Variants in DMD observed in about 807,000 individuals in gnomAD.
DMD encodes dystrophin.
A neutral mutation model predicts 330.1 loss-of-function variants in DMD; 63 were observed. The ratio of observed to expected loss-of-function variants is 0.19; its 90% CI spans 0.16 to 0.24. The LOEUF (loss-of-function observed/expected upper bound fraction) is 0.24, where lower values mean the gene tolerates loss of function less well. Ranked by LOEUF, DMD falls within the 10% of genes least tolerant of loss-of-function variation. The pLI is 1.00. For missense variants in DMD, 3,344 were observed against 2,684.1 expected (o/e 1.25, Z -5.43); for synonymous variants, 1,223 against 959.8 (o/e 1.27, Z -5.07).
chrX:32,425,144 T>C (rs757404311), intron 29 of DMD, among the ~76,000 whole-genome samples: 2 of 111,743 alleles, frequency 1.8e-5, no homozygotes, highest in Non-Finnish European at 3.8e-5. Context: ...TTTAAACGAA[T>C]CTTTAAAACA....
chrX:31,478,409 T>A, intron 58 of DMD, 35 bp from the exon 59 acceptor site: 1 of 1,208,798 alleles, frequency 8.3e-7, no homozygotes, highest in Non-Finnish European at 1.1e-6. Context: ...TTAGGCCACA[T>A]TCTTTTTTTT....
intron 2 of DMD, among the ~76,000 whole-genome samples, chrX:32,901,118 A>G (rs1016050885): frequency 9.0e-6 from 1 of 111,716 alleles, no homozygotes; most frequent in Non-Finnish European, 1.9e-5. Context: ...TTTATAAAAG[A>G]ATGAATTATT....
chrX:33,077,419 A>C lies in DMD; in HGVS notation c.32-57219T>G, dbSNP rs189092761. Among the ~76,000 whole-genome samples the C allele has an allele frequency of 3.7e-3, 410 of 111,669 alleles. 1 individual carries two copies. Among genetic ancestry groups the C allele is most frequent in the African/African-American group, 0.013 (391 of 30,745 alleles). On this transcript the variant is annotated intron_variant, in intron 1 of 78. Transcript: ENST00000357033. ...GACCTAATTTTGCAAAGGTGGTTTC[A>C]ATCCCTTCCTTTGGGTTTTCTAACA...
chrX:32,163,227 C>CA (rs1405867361), intron 44 of DMD, among the ~76,000 whole-genome samples: 7 of 111,650 alleles, frequency 6.3e-5, no homozygotes, highest in African/African-American at 9.8e-5. Context: ...GTGCTACCTT[C>CA]CAAAAATACC....
chrX:33,027,022 T>C (rs950382830), intron 1 of DMD, among the ~76,000 whole-genome samples: 2 of 112,286 alleles, frequency 1.8e-5, no homozygotes, highest in Non-Finnish European at 3.8e-5. Context: ...TTAATTCTAT[T>C]AAACTCTGGT....
At position 31,652,942 on chromosome X, in the gene DMD, G is replaced by A. The variant is rs151013197; in HGVS notation, c.8027+5048C>T. On this transcript the variant is annotated intron_variant, in intron 54 of 78. Coordinates refer to ENST00000357033, the MANE Select transcript of DMD (RefSeq NM_004006.3). ...ACTAAAAAAGTTCTCTTAGGATGAG[G>A]GAGACTTGAGTATGTTGGCCTGCTA... Among the ~76,000 whole-genome samples the A allele has an allele frequency of 3.2e-3, 355 of 111,224 alleles. 2 individuals are homozygous for A. In the East Asian group the frequency reaches 0.04, roughly 13 times the overall value.
chrX:31,958,392 G>A (rs2095268227), intron 45 of DMD, among the ~76,000 whole-genome samples: 1 of 111,190 alleles, frequency 9.0e-6, no homozygotes, highest in Admixed American at 9.5e-5. Flanking sequence ...AATAAAAAGG[G>A]CTCATTTCTT....
At chrX:33,199,479 T>G (rs2051145987) in intron 1 of DMD, among the ~76,000 whole-genome samples, 1 of 110,995 alleles carries the variant, frequency 9.0e-6, no homozygotes, top group African/African-American at 3.3e-5. Context: ...TTTTGTGCGG[T>G]GAAGAGAAAG....
chrX:32,017,310 T>G (rs1351167351), intron 44 of DMD, among the ~76,000 whole-genome samples: 1 of 111,819 alleles, frequency 8.9e-6, no homozygotes, highest in African/African-American at 3.3e-5. Flanking sequence ...GGGGCCAAGG[T>G]AAGGGAGATA....
chrX:32,693,828 C>T, intron 9 of DMD, among the ~76,000 whole-genome samples: 1 of 111,531 alleles, frequency 9.0e-6, no homozygotes, highest in Middle Eastern at 4.7e-3. Flanking sequence ...GCAACACCTC[C>T]AAATACACAC....
At chrX:32,211,402 CAAAGT>C (rs1199415679) in intron 44 of DMD, among the ~76,000 whole-genome samples, 2 of 111,928 alleles carry the variant, frequency 1.8e-5, no homozygotes, top group Non-Finnish European at 3.8e-5. Flanking sequence ...TTTCATATCA[CAAAGT>C]AAACAGTTTT....
chrX:31,478,235 G>A lies in DMD; in HGVS notation c.8808C>T (p.Leu2936=), dbSNP rs144147061. Reference sequence around the variant, plus strand: ...CATCCGTGGCCTCTTGAAGTTCCCGGAGTCTTTCAAGGGTCTCATCTATTT... The same window carrying A: ...CATCCGTGGCCTCTTGAAGTTCCCGAAGTCTTTCAAGGGTCTCATCTATTT... ...QRKIDETLER[L]RELQEATDEL... Residue 2936 remains leucine, a synonymous_variant, in exon 59 of 79, where the codon CTC becomes CTT. Transcript: ENST00000357033. 1 of 1,208,880 alleles carries A rather than the reference G, an allele frequency of 8.3e-7. No homozygotes were observed. Among genetic ancestry groups the A allele is most frequent in the Non-Finnish European group, 1.1e-6 (1 of 895,070 alleles).
intron 62 of DMD, among the ~76,000 whole-genome samples, chrX:31,293,199 G>GTGTGTGTGT (rs1569519847): frequency 4.1e-5 from 2 of 48,562 alleles, no homozygotes; most frequent in African/African-American, 2.8e-4. Flanking sequence ...TGTGTAGTCT[G>GTGTGTGTGT]GTTTAGTGTG....
chrX:31,773,848 G>T, intron 51 of DMD, 112 bp downstream of exon 51: 1 of 621,584 alleles, frequency 1.6e-6, no homozygotes, highest in Non-Finnish European at 2.6e-6. Context: ...TGCTGAGAGA[G>T]AAACAGTTGC....
At chrX:32,585,729 A>T (rs1399272769) in intron 13 of DMD, among the ~76,000 whole-genome samples, 2 of 92,610 alleles carry the variant, frequency 2.2e-5, no homozygotes, top group Admixed American at 1.2e-4. Context: ...AAAAAAAAAA[A>T]AGAATATTAT....
intron 1 of DMD, among the ~76,000 whole-genome samples, chrX:33,240,307 G>A (rs1178695404): frequency 8.9e-6 from 1 of 111,870 alleles, no homozygotes; most frequent in Non-Finnish European, 1.9e-5. Context: ...CATAAAGTAA[G>A]ATAACGTGGT....
At chrX:32,370,249 G>A (rs1271527233) in intron 34 of DMD, among the ~76,000 whole-genome samples, 2 of 103,641 alleles carry the variant, frequency 1.9e-5, no homozygotes, top group Non-Finnish European at 3.9e-5. Flanking sequence ...ATTCTCAGCA[G>A]CTGTAATCAT....
chrX:32,293,889 A>T (rs1051891020), intron 42 of DMD, among the ~76,000 whole-genome samples: 7 of 111,676 alleles, frequency 6.3e-5, no homozygotes, highest in Non-Finnish European at 9.4e-5. Context: ...TAATGCCCTA[A>T]AAGCCATTGA....
chrX:32,095,149 G>A (rs183008082), intron 44 of DMD, among the ~76,000 whole-genome samples: 54 of 111,687 alleles, frequency 4.8e-4, no homozygotes, highest in South Asian at 1.1e-3. Flanking sequence ...CAGGCCCAGA[G>A]TCGTTGCATA....
Sources: gnomAD v4.1 joint callset for allele counts (sites outside exome capture counted in the v4.1 genomes callset) on GRCh38, gnomAD v4.1.1 for gene constraint, MANE v1.5 for transcripts, NCBI Gene and HGNC (gene_info 2026-07-23, HGNC 2026-07-21) for gene names.